ZNF804B: variants seen among roughly 807,000 people sequenced by gnomAD.
The protein encoded by ZNF804B is zinc finger protein 804B.
Under a neutral mutation model 101.4 loss-of-function variants are expected in ZNF804B, and 80 were observed. The observed-to-expected ratio is 0.79, with a 90% confidence interval of 0.66 to 0.95. ZNF804B has a LOEUF of 0.95. ZNF804B is among the 40% of genes least tolerant of loss of function. The pLI is 0.00. For synonymous variants in ZNF804B, 622 were observed against 558.8 expected, an observed-to-expected ratio of 1.11 and a Z score of -1.59; for missense variants, 1,673 against 1,561.9, an observed-to-expected ratio of 1.07 and a Z score of -1.20.
chr7:88,885,520 TC>T (rs1792112590), intron 1 of ZNF804B, among the ~76,000 whole-genome samples: 2 of 151,398 alleles, frequency 1.3e-5, no homozygotes, highest in African/African-American at 4.9e-5. Flanking sequence ...ATTTATGTTT[TC>T]CCCTTGAATA....
intron 1 of ZNF804B, among the ~76,000 whole-genome samples, chr7:88,855,837 C>G (rs1583978812): frequency 6.6e-6 from 1 of 152,134 alleles, no homozygotes. Context: ...AGCCAGTTTT[C>G]CCAGCACCAT....
chr7:89,187,000 T>C (rs1788384089), intron 1 of ZNF804B, among the ~76,000 whole-genome samples: 1 of 152,198 alleles, frequency 6.6e-6, no homozygotes, highest in African/African-American at 2.4e-5. Context: ...TTTCCATCAA[T>C]ATCTGATATA....
intron 1 of ZNF804B, among the ~76,000 whole-genome samples, chr7:88,885,447 C>A (rs912212982): frequency 6.6e-6 from 1 of 151,590 alleles, no homozygotes; most frequent in African/African-American, 2.4e-5. Flanking sequence ...TTGCTAAAAT[C>A]TGGCTAAGAA....
chr7:88,885,834 A>G (rs567779598), intron 1 of ZNF804B, among the ~76,000 whole-genome samples: 8 of 151,996 alleles, frequency 5.3e-5, no homozygotes, highest in South Asian at 4.2e-4. Flanking sequence ...GAAAATCACC[A>G]TACATTGTGT....
chr7:89,082,658 A>G (rs1395209961), intron 1 of ZNF804B, among the ~76,000 whole-genome samples: 1 of 151,762 alleles, frequency 6.6e-6, no homozygotes, highest in Admixed American at 6.6e-5. Flanking sequence ...CCTGATTTCA[A>G]AATCTTACCA....
intron 1 of ZNF804B, among the ~76,000 whole-genome samples, chr7:88,839,841 G>A (rs901545163): frequency 6.6e-6 from 1 of 151,604 alleles, no homozygotes; most frequent in African/African-American, 2.4e-5. Flanking sequence ...GGATAGTCAG[G>A]AGGACTAAAT....
intron 1 of ZNF804B, among the ~76,000 whole-genome samples, chr7:89,112,921 C>A (rs1790243072): frequency 6.6e-6 from 1 of 152,090 alleles, no homozygotes. Flanking sequence ...AAAGGGCAAC[C>A]AGATAGATAT....
At chr7:88,794,565 A>T (rs533500155) in intron 1 of ZNF804B, 6 of 1,613,676 alleles carry the variant, frequency 3.7e-6, no homozygotes, top group Non-Finnish European at 4.2e-6. Context: ...TCATTTGTTG[A>T]ATAAAAAATA....
chr7:88,768,466 C>G (rs1267478175), intron 1 of ZNF804B, among the ~76,000 whole-genome samples: 2 of 152,200 alleles, frequency 1.3e-5, no homozygotes, highest in Admixed American at 6.5e-5. Context: ...GCCTTTAATC[C>G]TAGCACTTTG....
At chr7:88,877,934 G>A (rs1791976785) in intron 1 of ZNF804B, among the ~76,000 whole-genome samples, 2 of 152,054 alleles carry the variant, frequency 1.3e-5, no homozygotes, top group African/African-American at 4.8e-5. Flanking sequence ...TAGAGGTTTT[G>A]AGAATATTCC....
At chr7:88,979,237 C>A (rs1793661542) in intron 1 of ZNF804B, among the ~76,000 whole-genome samples, 1 of 151,872 alleles carries the variant, frequency 6.6e-6, no homozygotes, top group Admixed American at 6.6e-5. Context: ...TTGTACAAAA[C>A]ACCCATGTTT....
chr7:89,071,598 A>G (rs1175406175), intron 1 of ZNF804B, among the ~76,000 whole-genome samples: 1 of 152,154 alleles, frequency 6.6e-6, no homozygotes, highest in African/African-American at 2.4e-5. Flanking sequence ...ACTAACTTAT[A>G]GCCTATTTTC....
At chr7:89,089,320 A>C (rs1315519759) in intron 1 of ZNF804B, among the ~76,000 whole-genome samples, 1 of 151,952 alleles carries the variant, frequency 6.6e-6, no homozygotes, top group Non-Finnish European at 1.5e-5. Context: ...TTACCTAAAA[A>C]TGTGCTGTGC....
intron 1 of ZNF804B, among the ~76,000 whole-genome samples, chr7:88,883,452 G>A (rs561347228): frequency 5.8e-4 from 88 of 152,240 alleles, no homozygotes; most frequent in African/African-American, 2.0e-3. Flanking sequence ...TGGAAAGTGA[G>A]TGGAAGGCAA....
intron 1 of ZNF804B, among the ~76,000 whole-genome samples, chr7:89,059,513 A>C (rs530544401): frequency 2.6e-5 from 4 of 152,098 alleles, no homozygotes; most frequent in Non-Finnish European, 5.9e-5. Context: ...GAACTCACTC[A>C]TCACCAAGGG....
chr7:89,308,330 A>G (rs1249810739), intron 2 of ZNF804B, among the ~76,000 whole-genome samples: 1 of 152,142 alleles, frequency 6.6e-6, no homozygotes, highest in Non-Finnish European at 1.5e-5. Context: ...TTAGTTGTGC[A>G]TTTAATAGTT....
At chr7:89,015,120 A>G (rs1788526162) in intron 1 of ZNF804B, among the ~76,000 whole-genome samples, 1 of 152,114 alleles carries the variant, frequency 6.6e-6, no homozygotes, top group African/African-American at 2.4e-5. Flanking sequence ...TCCTTAGTGG[A>G]TATACTTGAC....
intron 1 of ZNF804B, among the ~76,000 whole-genome samples, chr7:88,828,656 T>A (rs1791083403): frequency 1.3e-5 from 2 of 152,136 alleles, no homozygotes. Flanking sequence ...TGGGTTTTCC[T>A]GCAATAAAAT....
At chr7:88,836,529 A>T (rs899710574) in intron 1 of ZNF804B, among the ~76,000 whole-genome samples, 3 of 151,954 alleles carry the variant, frequency 2.0e-5, no homozygotes, top group Admixed American at 1.3e-4. Context: ...TAAAATTATT[A>T]TCATTCTAGG....
Sources: allele counts gnomAD v4.1 joint callset (sites outside exome capture counted in the v4.1 genomes callset), GRCh38; gene constraint gnomAD v4.1.1; transcripts MANE v1.5; gene names NCBI Gene and HGNC (gene_info 2026-07-23, HGNC 2026-07-21).